The following CHRNB4 variants were observed in gnomAD, a reference collection of about 807,000 sequenced individuals.
CHRNB4 encodes the protein neuronal acetylcholine receptor subunit beta-4.
In CHRNB4, 23 loss-of-function variants were observed where a neutral mutation model predicts 40.4. The ratio of observed to expected loss-of-function variants is 0.57; its 90% CI spans 0.41 to 0.81. The LOEUF is 0.81. Ranked by LOEUF, CHRNB4 falls within the 30% of genes least tolerant of loss-of-function variation. CHRNB4 has a pLI of 0.00. For synonymous variants in CHRNB4, 285 were observed against 274.4 expected (o/e 1.04, Z -0.38); for missense variants, 568 against 670.6 (o/e 0.85, Z 1.69).
upstream of CHRNB4, chr15:78,661,192 A>AGCGAGC: frequency 1.6e-6 from 1 of 613,346 alleles, no homozygotes; most frequent in Non-Finnish European, 3.2e-6. Flanking sequence ...AGAACCAAAG[A>AGCGAGC]GCGGAATGGT....
chr15:78,635,495 A>G lies in CHRNB4; in HGVS notation c.148T>C (p.Ser50Pro), dbSNP rs2053928491. ...AGCTTGATGGAGATGAGCTGTGAGG[A>G]GCTGGTGGCTGGGCGGATCAGGTTA... ...YNNLIRPATSSSQLISIKLQL... is the reference protein window; with the variant it reads ...YNNLIRPATSPSQLISIKLQL... The change falls in exon 2 of 6, where the codon TCC becomes CCC. Residue 50 changes from serine (S) to proline (P), a missense_variant. Physicochemically the swap from Ser to Pro is moderately conservative, Grantham distance 74. This residue lies in a region of CHRNB4 where 161 missense variants were observed against 148.1 expected (regional missense o/e 1.09). Coordinates refer to ENST00000261751, the MANE Select transcript of CHRNB4 (RefSeq NM_000750.5). 6.2e-7 allele frequency: 1 copy of G among 1,614,094 alleles called. No homozygotes were observed. The highest frequency in any genetic ancestry group is 8.5e-7 in the Non-Finnish European group (1 of 1,180,026).
chr15:78,638,643 C>A (rs537022083), intron 1 of CHRNB4, among the ~76,000 whole-genome samples: 1 of 151,624 alleles, frequency 6.6e-6, no homozygotes, highest in Non-Finnish European at 1.5e-5. Context: ...GGGTGGTGCA[C>A]TGAAGGGTGG....
At chr15:78,633,977 G>A (rs1252683809) in intron 2 of CHRNB4, among the ~76,000 whole-genome samples, 2 of 152,036 alleles carry the variant, frequency 1.3e-5, no homozygotes, top group Admixed American at 6.5e-5. Context: ...CCAGACTCTG[G>A]AGTCAATGAC....
chr15:78,638,537 G>C (rs1363417604), intron 1 of CHRNB4, among the ~76,000 whole-genome samples: 1 of 152,084 alleles, frequency 6.6e-6, no homozygotes, highest in African/African-American at 2.4e-5. Context: ...TAAGGAGACT[G>C]CCCCACAGAG....
rs72650612 is a variant in CHRNB4, at chr15:78,631,528, C to T, written c.205-196G>A. On this transcript the variant is annotated intron_variant, in intron 2 of 5. Transcript: ENST00000261751. ...TCATGATCTTCCCCAGAACCTGGTC[C>T]TCCTTTGGCTTCATTGTCTCAGTGA... Among the ~76,000 whole-genome samples, 90 of 152,346 alleles carry T rather than the reference C, an allele frequency of 5.9e-4. 1 individual carries two copies. Among genetic ancestry groups the T allele is most frequent in the East Asian group, 1.9e-3 (10 of 5,184 alleles).
chr15:78,632,282 CCTTT>C (rs1228109645), intron 2 of CHRNB4, among the ~76,000 whole-genome samples: 7 of 137,358 alleles, frequency 5.1e-5, no homozygotes, highest in African/African-American at 8.2e-5. Context: ...TTTCTTTCTC[CCTTT>C]CTTTCTTTTC....
At chr15:78,625,365 C>T (rs1196248648) in intron 5 of CHRNB4, 74 bp from the exon 6 acceptor site, 1 of 1,406,832 alleles carries the variant, frequency 7.1e-7, no homozygotes, top group South Asian at 1.4e-5. Flanking sequence ...CAGGCCCTTA[C>T]TCTCTGGCCA....
upstream of CHRNB4, among the ~76,000 whole-genome samples, chr15:78,644,226 A>T (rs1186885209): frequency 6.6e-6 from 1 of 151,596 alleles, no homozygotes; most frequent in African/African-American, 2.4e-5. Flanking sequence ...AGCAAAATAT[A>T]CGTAAGGCCT....
chr15:78,632,301 G>A (rs573048331), intron 2 of CHRNB4, among the ~76,000 whole-genome samples: 29 of 132,428 alleles, frequency 2.2e-4, no homozygotes, highest in East Asian at 1.5e-3. Context: ...CTTTTCTTTC[G>A]TGTGTGTGTG....
At chr15:78,653,537 T>C (rs1312774268) in intron 5 of CHRNB4, among the ~76,000 whole-genome samples, 4 of 152,198 alleles carry the variant, frequency 2.6e-5, no homozygotes, top group African/African-American at 9.7e-5. Context: ...ACCTGCTGGG[T>C]GTTTTTCTTC....
rs778535489 is a variant in CHRNB4, at chr15:78,635,372, C to T, written c.204+67G>A. The T allele has an allele frequency of 6.7e-5, 105 of 1,572,692 alleles. 3 individuals carry two copies. The South Asian group carries it at 1.1e-3, about 16-fold the overall frequency. On this transcript the variant is annotated intron_variant, in intron 2 of 5. Transcript: ENST00000261751. ...TAGTTTCATTCCTTTGACCAATGAT[C>T]GCCTGGGGCTTGGGCATGAGCGGCC...
chr15:78,661,310 C>A, upstream of CHRNB4: 1 of 592,084 alleles, frequency 1.7e-6, no homozygotes, highest in Non-Finnish European at 3.3e-6. Flanking sequence ...ACACAGTGCA[C>A]ACACCTTCAG....
At position 78,637,431 on chromosome 15, in the gene CHRNB4, G is replaced by A. The variant is rs1432982831; in HGVS notation, c.56-1844C>T. On this transcript the variant is annotated intron_variant, in intron 1 of 5. Transcript: ENST00000261751. ...TGGGAGGAGGAAAAGAGATGAGAAT[G>A]AGCAGAAGAAACAGTGCCGGGGCAG... 2.6e-5 allele frequency among the ~76,000 whole-genome samples: 4 copies of A among 152,124 alleles called. No individual in the cohort carries two copies. The East Asian group carries it at 7.8e-4, about 29-fold the overall frequency.
intron 5 of CHRNB4, 66 bp downstream of exon 5, chr15:78,628,901 G>A: frequency 6.5e-7 from 1 of 1,528,300 alleles, no homozygotes; most frequent in Non-Finnish European, 8.8e-7. Context: ...CAGGAAGTGG[G>A]AAGCTGGTGC....
chr15:78,651,714 A>C (rs1282937748), intron 6 of CHRNB4, among the ~76,000 whole-genome samples: 1 of 152,200 alleles, frequency 6.6e-6, no homozygotes, highest in Non-Finnish European at 1.5e-5. Flanking sequence ...CTGAATCCTG[A>C]CACTTCCATC....
intron 5 of CHRNB4, chr15:78,627,810 A>G (rs1342477451): frequency 6.6e-6 from 1 of 152,160 alleles, no homozygotes; most frequent in Non-Finnish European, 1.5e-5. Flanking sequence ...CATGTGAAAT[A>G]CCCAGACTCC....
intron 7 of CHRNB4, among the ~76,000 whole-genome samples, chr15:78,648,839 CACAA>C (rs2054148845): frequency 6.6e-6 from 1 of 151,798 alleles, no homozygotes; most frequent in South Asian, 2.1e-4. Flanking sequence ...AATACAGTGG[CACAA>C]TCACTGCTCA....
rs2141399950 is a variant in CHRNB4 at position 78,641,134 on chromosome 15, G to A, written c.-1C>T. The A allele has an allele frequency of 1.9e-6, 3 of 1,555,472 alleles. No homozygotes were observed. Among genetic ancestry groups the A allele is most frequent in the Non-Finnish European group, 2.6e-6 (3 of 1,152,200 alleles). On this transcript the variant is annotated 5_prime_UTR_variant, in exon 1 of 6. Coordinates refer to ENST00000261751, the MANE Select transcript of CHRNB4 (RefSeq NM_000750.5). ...GGACCAGGGAAGGCGCGCGCCTCAT[G>A]GCCGGCGGGGCCGGGTGGCAGCCGC...
chr15:78,657,618 A>C (rs2054225188), intron 2 of CHRNB4, among the ~76,000 whole-genome samples: 1 of 151,658 alleles, frequency 6.6e-6, no homozygotes, highest in Non-Finnish European at 1.5e-5. Flanking sequence ...CAGTGGCACG[A>C]TCTCGGCTCA....
Sources: allele counts gnomAD v4.1 joint callset (sites outside exome capture counted in the v4.1 genomes callset), GRCh38; gene constraint gnomAD v4.1.1; regional missense constraint gnomAD v4.1.1; transcripts MANE v1.5; gene names NCBI Gene and HGNC (gene_info 2026-07-23, HGNC 2026-07-21).